The following GRID1 variants were observed in gnomAD, a reference collection of about 807,000 sequenced individuals.
GRID1 encodes glutamate ionotropic receptor delta type subunit 1.
In GRID1, 28 loss-of-function variants were observed where a neutral mutation model predicts 98.0. The ratio of observed to expected loss-of-function variants is 0.29; its 90% CI spans 0.21 to 0.39. The LOEUF (loss-of-function observed/expected upper bound fraction) is 0.39, where lower values mean the gene tolerates loss of function less well. Among genes scored for constraint, GRID1 ranks in the 10% least tolerant of loss-of-function variants. The pLI, the probability that GRID1 is intolerant of heterozygous loss-of-function variation, is 1.00. For synonymous variants in GRID1, 553 were observed against 538.5 expected, an observed-to-expected ratio of 1.03 and a Z score of -0.37; for missense variants, 1,111 against 1,340.5, an observed-to-expected ratio of 0.83 and a Z score of 2.67.
chr10:85,849,618 T>C (rs1354340598), intron 8 of GRID1, among the ~76,000 whole-genome samples: 1 of 152,118 alleles, frequency 6.6e-6, no homozygotes, highest in Non-Finnish European at 1.5e-5. Flanking sequence ...GTCACAGAAC[T>C]GCATCGCCTC....
intron 3 of GRID1, among the ~76,000 whole-genome samples, chr10:86,176,226 C>G (rs924088674): frequency 2.6e-5 from 4 of 152,136 alleles, no homozygotes; most frequent in Non-Finnish European, 4.4e-5. Flanking sequence ...TTGAACACCA[C>G]GTTCTGGGGC....
chr10:85,885,161 C>T (rs189098505), intron 5 of GRID1, among the ~76,000 whole-genome samples: 257 of 152,348 alleles, frequency 1.7e-3, no homozygotes, highest in Admixed American at 3.6e-3. Flanking sequence ...CTGCAAATCT[C>T]TACTTCACTT....
At chr10:85,670,765 C>A (rs73326669) in intron 12 of GRID1, among the ~76,000 whole-genome samples, 3 of 152,152 alleles carry the variant, frequency 2.0e-5, no homozygotes, top group African/African-American at 7.2e-5. Flanking sequence ...CTGCCCTGAC[C>A]TACATGCCCA....
chr10:86,305,132 C>T (rs1398640378), intron 2 of GRID1, among the ~76,000 whole-genome samples: 1 of 152,038 alleles, frequency 6.6e-6, no homozygotes, highest in Non-Finnish European at 1.5e-5. Flanking sequence ...AACTGATGTC[C>T]CCTGAGGAAG....
chr10:86,111,352 GCAACCATCCAAT>G lies in GRID1; in HGVS notation c.726+27455_726+27466del, dbSNP rs549310525. Among the ~76,000 whole-genome samples, 79 of 152,232 alleles carry G rather than the reference GCAACCATCCAAT, an allele frequency of 5.2e-4. 1 individual carries two copies. Among genetic ancestry groups the G allele is most frequent in the Admixed American group, 4.8e-3 (73 of 15,284 alleles). On this transcript the variant is annotated intron_variant, in intron 4 of 15. Coordinates refer to ENST00000327946, the MANE Select transcript of GRID1 (RefSeq NM_017551.3). ...TGCAGGGCTGTGTGAGGAACTTGGG[GCAACCATCCAAT>G]CAACCATGCCCAGCCACTGACCTTA...
chr10:86,084,008 C>A (rs982733566), intron 4 of GRID1, among the ~76,000 whole-genome samples: 1 of 152,234 alleles, frequency 6.6e-6, no homozygotes, highest in African/African-American at 2.4e-5. Flanking sequence ...ACATCAGCCT[C>A]GGTCTGGTTG....
chr10:85,963,496 T>C (rs929363094), intron 4 of GRID1, among the ~76,000 whole-genome samples: 1 of 152,174 alleles, frequency 6.6e-6, no homozygotes, highest in African/African-American at 2.4e-5. Context: ...CTCAAACCTC[T>C]GCTAAGGCTC....
Position 85,600,171 on chromosome 10 carries a change from C to G in GRID1, c.*2102G>C, listed in dbSNP as rs1842554653. On this transcript the variant is annotated 3_prime_UTR_variant, in exon 16 of 16. Coordinates refer to ENST00000327946, the MANE Select transcript of GRID1 (RefSeq NM_017551.3). Reference sequence around the variant, plus strand: ...AAAAATTGACCATTCAGGGCAGGGCCCCCAACGTGCTGATGGAAAACAAAG... The same window carrying G: ...AAAAATTGACCATTCAGGGCAGGGCGCCCAACGTGCTGATGGAAAACAAAG... 1 of 152,340 alleles carries G rather than the reference C, an allele frequency of 6.6e-6. No homozygotes were observed. The highest frequency in any genetic ancestry group is 2.4e-5 in the African/African-American group (1 of 41,348). 9.4% of individuals were successfully genotyped at this position (152,340 alleles called of 1,614,324 possible).
intron 13 of GRID1, among the ~76,000 whole-genome samples, chr10:85,637,688 TCTTG>T (rs1200282891): frequency 6.6e-6 from 1 of 152,224 alleles, no homozygotes; most frequent in Non-Finnish European, 1.5e-5. Context: ...ACCTTTTATT[TCTTG>T]CTTGCCATTT....
chr10:86,118,682 T>C (rs999527036), intron 4 of GRID1, among the ~76,000 whole-genome samples: 3 of 152,098 alleles, frequency 2.0e-5, no homozygotes, highest in African/African-American at 7.2e-5. Context: ...TGGAGAAACC[T>C]TGACAAACAC....
At chr10:86,015,089 G>A (rs1842964252) in intron 4 of GRID1, among the ~76,000 whole-genome samples, 1 of 152,122 alleles carries the variant, frequency 6.6e-6, no homozygotes, top group African/African-American at 2.4e-5. Flanking sequence ...GTAATGTTGT[G>A]TGGCACTTAT....
At chr10:85,704,614 T>G (rs1414934742) in intron 12 of GRID1, among the ~76,000 whole-genome samples, 3 of 152,116 alleles carry the variant, frequency 2.0e-5, no homozygotes. Context: ...CTGCACCAAG[T>G]GGACCTAATA....
intron 4 of GRID1, among the ~76,000 whole-genome samples, chr10:86,073,808 C>T (rs1048922618): frequency 6.6e-6 from 1 of 152,188 alleles, no homozygotes; most frequent in African/African-American, 2.4e-5. Flanking sequence ...AAAGAAGAGA[C>T]CCACATGCCC....
At position 85,834,086 on chromosome 10, in the gene GRID1, A is replaced by C. The variant is rs79990494; in HGVS notation, c.1233+20410T>G. On this transcript the variant is annotated intron_variant, in intron 8 of 15. Transcript: ENST00000327946. Reference sequence around the variant, plus strand: ...TGAAAGACTATTCAAATAAATAATGATTAGCAGTTTGACAAATTTCGTGGA... The same window carrying C: ...TGAAAGACTATTCAAATAAATAATGCTTAGCAGTTTGACAAATTTCGTGGA... Among the ~76,000 whole-genome samples the C allele has an allele frequency of 5.1e-3, 771 of 152,346 alleles. 9 individuals are homozygous for C. The highest frequency in any genetic ancestry group is 0.018 in the African/African-American group (734 of 41,584).
At chr10:85,813,678 T>A (rs896729572) in intron 8 of GRID1, among the ~76,000 whole-genome samples, 2 of 151,864 alleles carry the variant, frequency 1.3e-5, no homozygotes, top group Admixed American at 6.6e-5. Context: ...AGAGGGAAAC[T>A]TGCATCTTCA....
At chr10:86,266,579 C>T (rs560906548) in intron 2 of GRID1, among the ~76,000 whole-genome samples, 8 of 152,340 alleles carry the variant, frequency 5.3e-5, no homozygotes, top group Admixed American at 3.9e-4. Flanking sequence ...GCCCAACTCC[C>T]ATGATCCCAG....
intron 2 of GRID1, among the ~76,000 whole-genome samples, chr10:86,295,658 G>A (rs1041571410): frequency 3.9e-5 from 6 of 152,192 alleles, no homozygotes; most frequent in South Asian, 4.1e-4. Context: ...AACTGGTCAC[G>A]TGGGTGTTCT....
chr10:86,130,814 G>A (rs1004442130), intron 4 of GRID1, among the ~76,000 whole-genome samples: 1 of 152,220 alleles, frequency 6.6e-6, no homozygotes, highest in Non-Finnish European at 1.5e-5. Flanking sequence ...GATGGCAGGA[G>A]CTAAAAGAGC....
chr10:86,012,762 T>C (rs568044653), intron 4 of GRID1, among the ~76,000 whole-genome samples: 14 of 152,306 alleles, frequency 9.2e-5, no homozygotes, highest in African/African-American at 3.1e-4. Flanking sequence ...CATGACAAAA[T>C]GCCTTCTATG....
Sources: allele counts gnomAD v4.1 joint callset (sites outside exome capture counted in the v4.1 genomes callset), GRCh38; gene constraint gnomAD v4.1.1; transcripts MANE v1.5; gene names NCBI Gene and HGNC (gene_info 2026-07-23, HGNC 2026-07-21).